ZNF385D: variants seen among roughly 807,000 people sequenced by gnomAD.
ZNF385D encodes the protein zinc finger protein 659.
A neutral mutation model predicts 35.8 loss-of-function variants in ZNF385D; 15 were observed. The observed-to-expected ratio is 0.42, with a 90% CI of 0.28 to 0.64. The LOEUF (loss-of-function observed/expected upper bound fraction) is 0.64. Ranked by LOEUF, ZNF385D falls within the 30% of genes least tolerant of loss-of-function variation. The pLI, the probability that ZNF385D is intolerant of heterozygous loss-of-function variation, is 0.23. For missense variants in ZNF385D, 474 were observed against 494.6 expected (o/e 0.96, Z 0.39); for synonymous variants, 212 against 186.8 (o/e 1.13, Z -1.10).
At chr3:21,612,225 C>T (rs1490948157) in intron 2 of ZNF385D, among the ~76,000 whole-genome samples, 1 of 152,118 alleles carries the variant, frequency 6.6e-6, no homozygotes. Context: ...GCTGGGATGA[C>T]AGGCACACAC....
At chr3:21,509,722 ACATGTATTCAGG>A (rs1380787697) in intron 4 of ZNF385D, among the ~76,000 whole-genome samples, 2 of 152,174 alleles carry the variant, frequency 1.3e-5, no homozygotes, top group Non-Finnish European at 2.9e-5. Flanking sequence ...CAAAGATGAG[ACATGTATTCAGG>A]CTGAGGGAAA....
chr3:21,655,206 T>TCC (rs1053552413), intron 2 of ZNF385D, among the ~76,000 whole-genome samples: 5 of 151,980 alleles, frequency 3.3e-5, no homozygotes, highest in Non-Finnish European at 7.4e-5. Flanking sequence ...TCTGTGTTTC[T>TCC]CCTAACCTTC....
chr3:21,809,425 A>G (rs964915659), intron 3 of ZNF385D, among the ~76,000 whole-genome samples: 3 of 152,016 alleles, frequency 2.0e-5, no homozygotes, highest in African/African-American at 4.8e-5. Context: ...CAACATATGT[A>G]GGTAGCATCA....
chr3:22,327,702 C>T lies in ZNF385D; in HGVS notation c.106+44748G>A, dbSNP rs145071077. Among the ~76,000 whole-genome samples, 25 of 152,246 alleles carry T rather than the reference C, an allele frequency of 1.6e-4. No individual in the cohort carries two copies. In the East Asian group the frequency reaches 2.5e-3, roughly 15 times the overall value. On this transcript the variant is annotated intron_variant, in intron 2 of 5. Transcript: ENST00000494108. ...CAGTGGAAGATTGCATGCTGCTTGG[C>T]AGATATGAAGAGGGTGATGTGTATT...
At chr3:22,156,456 C>T (rs897932896) in intron 3 of ZNF385D, among the ~76,000 whole-genome samples, 1 of 152,032 alleles carries the variant, frequency 6.6e-6, no homozygotes, top group Non-Finnish European at 1.5e-5. Context: ...GATTCACAAC[C>T]ACCAGAGCTA....
At chr3:21,526,783 A>T (rs1708250289) in intron 3 of ZNF385D, among the ~76,000 whole-genome samples, 2 of 151,636 alleles carry the variant, frequency 1.3e-5, no homozygotes, top group Non-Finnish European at 3.0e-5. Context: ...GAAAGGAAAT[A>T]AAGGATCTGA....
intron 1 of ZNF385D, among the ~76,000 whole-genome samples, chr3:21,686,664 C>T (rs1307846733): frequency 6.6e-6 from 1 of 152,170 alleles, no homozygotes; most frequent in East Asian, 1.9e-4. Context: ...CAGCACACCT[C>T]AATCTGGACT....
intron 3 of ZNF385D, among the ~76,000 whole-genome samples, chr3:21,894,167 T>C (rs1216854227): frequency 1.3e-5 from 2 of 152,184 alleles, no homozygotes; most frequent in Non-Finnish European, 2.9e-5. Context: ...TAATTTCTGA[T>C]TTATTTTCCT....
intron 3 of ZNF385D, among the ~76,000 whole-genome samples, chr3:22,004,286 T>TC (rs1241105594): frequency 4.6e-5 from 7 of 152,004 alleles, no homozygotes; most frequent in Admixed American, 4.6e-4. Flanking sequence ...AAAAAATGAC[T>TC]CAAATTTAAA....
At chr3:22,002,546 G>T (rs926039010) in intron 3 of ZNF385D, among the ~76,000 whole-genome samples, 1 of 152,088 alleles carries the variant, frequency 6.6e-6, no homozygotes, top group Non-Finnish European at 1.5e-5. Flanking sequence ...TCCAAAAATT[G>T]AAGAGAAGGG....
upstream of ZNF385D, chr3:21,751,381 A>ATGATACG: frequency 9.8e-7 from 1 of 1,019,420 alleles, no homozygotes; most frequent in Non-Finnish European, 1.2e-6. Flanking sequence ...GCTCTCTTAA[A>ATGATACG]GCGAGAAGAG....
intron 1 of ZNF385D, among the ~76,000 whole-genome samples, chr3:21,671,362 T>C (rs2066571311): frequency 6.6e-6 from 1 of 152,150 alleles, no homozygotes; most frequent in African/African-American, 2.4e-5. Context: ...GGCCAAAACA[T>C]TGGCCATGGA....
intron 3 of ZNF385D, among the ~76,000 whole-genome samples, chr3:21,785,616 C>T (rs1172723628): frequency 6.6e-6 from 1 of 152,208 alleles, no homozygotes. Flanking sequence ...ATAAATTTCA[C>T]TACTTTAGAT....
intron 3 of ZNF385D, among the ~76,000 whole-genome samples, chr3:21,992,007 A>T (rs999292645): frequency 5.9e-5 from 9 of 152,198 alleles, no homozygotes; most frequent in Non-Finnish European, 1.3e-4. Context: ...CTAGCTAACT[A>T]TTCTCTTTAG....
At chr3:22,094,478 T>G (rs1249057432) in intron 3 of ZNF385D, among the ~76,000 whole-genome samples, 3 of 132,780 alleles carry the variant, frequency 2.3e-5, no homozygotes, top group Non-Finnish European at 5.0e-5. Context: ...TGCCAGACAT[T>G]GATTGAGGGT....
chr3:21,872,667 A>G lies in ZNF385D; in HGVS notation c.326-207639T>C, dbSNP rs548818267. Among the ~76,000 whole-genome samples the G allele has an allele frequency of 1.4e-3, 217 of 152,250 alleles. 7 individuals carry two copies. In the South Asian group the frequency reaches 0.044, roughly 31 times the overall value. Reference sequence around the variant, plus strand: ...CATAATGAAATGGTTGCCATTTACAATGTGGCAAAATGGCCTGAAAGAAAT... The same window carrying G: ...CATAATGAAATGGTTGCCATTTACAGTGTGGCAAAATGGCCTGAAAGAAAT... On this transcript the variant is annotated intron_variant, in intron 3 of 5. Coordinates refer to the ZNF385D transcript ENST00000494108.
intron 2 of ZNF385D, among the ~76,000 whole-genome samples, chr3:21,599,761 TCCTC>T (rs1426504298): frequency 6.6e-6 from 1 of 152,156 alleles, no homozygotes; most frequent in Non-Finnish European, 1.5e-5. Context: ...GACCCTTCCT[TCCTC>T]CCTCCCTACC....
intron 2 of ZNF385D, among the ~76,000 whole-genome samples, chr3:21,565,972 A>G (rs2063131486): frequency 6.6e-6 from 1 of 152,200 alleles, no homozygotes. Flanking sequence ...TTCTCAGGTC[A>G]CTGGAATCAG....
At chr3:22,270,897 A>G (rs926640358) in intron 2 of ZNF385D, among the ~76,000 whole-genome samples, 2 of 152,060 alleles carry the variant, frequency 1.3e-5, no homozygotes, top group African/African-American at 4.8e-5. Flanking sequence ...AACTAATATC[A>G]CACAAACTTC....
Sources: allele counts gnomAD v4.1 joint callset (sites outside exome capture counted in the v4.1 genomes callset), GRCh38; gene constraint gnomAD v4.1.1; transcripts MANE v1.5; gene names NCBI Gene and HGNC (gene_info 2026-07-23, HGNC 2026-07-21).